SNTB2: variants seen among roughly 807,000 people sequenced by gnomAD.
The protein encoded by SNTB2 is beta-2-syntrophin.
In SNTB2, 34 loss-of-function variants were observed where a neutral mutation model predicts 46.2. The ratio of observed to expected loss-of-function variants is 0.74; its 90% CI spans 0.56 to 0.98. SNTB2 has a LOEUF of 0.98. Ranked by LOEUF, SNTB2 falls within the 50% of genes least tolerant of loss-of-function variation. The pLI is 0.00. For missense variants in SNTB2, 603 were observed against 731.4 expected, an observed-to-expected ratio of 0.82 and a Z score of 2.02; for synonymous variants, 290 against 312.6, an observed-to-expected ratio of 0.93 and a Z score of 0.76.
At position 69,253,628 on chromosome 16, in the gene SNTB2, G is replaced by A. The variant is rs542187759; in HGVS notation, c.795-6422G>A. Among the ~76,000 whole-genome samples the A allele has an allele frequency of 7.9e-5, 12 of 152,248 alleles. No individual in the cohort carries two copies. The East Asian group carries it at 2.3e-3, about 29-fold the overall frequency. ...TGTGCCACTGCACTCCAGCCTGGGCGACAGAGCAAGACTCTGTCTCAAAAA... is the reference window on the plus strand; with the variant it reads ...TGTGCCACTGCACTCCAGCCTGGGCAACAGAGCAAGACTCTGTCTCAAAAA... On this transcript the variant is annotated intron_variant, in intron 2 of 6. Transcript: ENST00000336278.
chr16:69,305,347 T>A lies in SNTB2; in HGVS notation c.*4423T>A, dbSNP rs1965308663. 1 of 152,424 alleles carries A rather than the reference T, an allele frequency of 6.6e-6. No individual in the cohort carries two copies. The highest frequency in any genetic ancestry group is 2.4e-5 in the African/African-American group (1 of 41,464). The allele number at this position is 152,424 out of a possible 1,614,324, so 9.4% of individuals were successfully genotyped here. ...TGTATCTTATCTTGGACACTTATGC[T>A]GAATTATGTTCTTATTATTTTCACT... On this transcript the variant is annotated 3_prime_UTR_variant, in exon 7 of 7. Coordinates refer to ENST00000336278, the MANE Select transcript of SNTB2 (RefSeq NM_006750.4).
chr16:69,207,583 A>C (rs181775878), intron 1 of SNTB2, among the ~76,000 whole-genome samples: 262 of 152,372 alleles, frequency 1.7e-3, no homozygotes, highest in South Asian at 1.9e-3. Flanking sequence ...GTATTTTAAA[A>C]ATAATTTTTG....
At chr16:69,259,393 C>A (rs891639036) in intron 2 of SNTB2, among the ~76,000 whole-genome samples, 2 of 151,160 alleles carry the variant, frequency 1.3e-5, no homozygotes, top group Non-Finnish European at 2.9e-5. Flanking sequence ...CCCCAACGCC[C>A]GGCTAAATTT....
intron 1 of SNTB2, among the ~76,000 whole-genome samples, chr16:69,213,646 C>T (rs1287812069): frequency 4.0e-5 from 6 of 150,632 alleles, no homozygotes; most frequent in African/African-American, 1.2e-4. Flanking sequence ...AGTACAGGCG[C>T]GTGCCACCAC....
At chr16:69,213,112 A>T (rs1032676683) in intron 1 of SNTB2, among the ~76,000 whole-genome samples, 1 of 152,138 alleles carries the variant, frequency 6.6e-6, no homozygotes, top group African/African-American at 2.4e-5. Flanking sequence ...TTAAGACCTC[A>T]GTTTCTTTAT....
At chr16:69,214,875 G>A (rs745385358) in intron 1 of SNTB2, among the ~76,000 whole-genome samples, 10 of 151,098 alleles carry the variant, frequency 6.6e-5, no homozygotes, top group African/African-American at 9.8e-5. Context: ...ATATGGTCTC[G>A]TTCTGTCACC....
intron 1 of SNTB2, among the ~76,000 whole-genome samples, chr16:69,220,005 C>CTCCCAAAGTGCTGGAA (rs1263077934): frequency 6.6e-6 from 1 of 151,756 alleles, no homozygotes; most frequent in Non-Finnish European, 1.5e-5. Flanking sequence ...CTGCCTTGGC[C>CTCCCAAAGTGCTGGAA]TCCCAAAGTG....
At chr16:69,261,706 G>T (rs551246836) in intron 3 of SNTB2, among the ~76,000 whole-genome samples, 1 of 152,144 alleles carries the variant, frequency 6.6e-6, no homozygotes, top group African/African-American at 2.4e-5. Context: ...AATAGTAATT[G>T]TTCTGTGCTT....
rs566713582 is a variant in SNTB2 at position 69,302,201 on chromosome 16, A to C, written c.*1277A>C. On this transcript the variant is annotated 3_prime_UTR_variant, in exon 7 of 7. Transcript: ENST00000336278. ...CTACCTGCTTTTGGTTAAGATTGCCAGATATCATTAGGACACAGTAGCAGC... is the reference window on the plus strand; with the variant it reads ...CTACCTGCTTTTGGTTAAGATTGCCCGATATCATTAGGACACAGTAGCAGC... 64 of 152,318 alleles carry C rather than the reference A, an allele frequency of 4.2e-4. No homozygotes were observed. The highest frequency in any genetic ancestry group is 1.4e-3 in the African/African-American group (60 of 41,566). The allele number at this position is 152,318 out of a possible 1,614,324, so 9.4% of individuals were successfully genotyped here.
chr16:69,305,897 G>A lies in SNTB2; in HGVS notation c.*4973G>A, dbSNP rs1965312151. ...CACATACTGTCTTTAAAAACCAATT[G>A]TAGCAATCTGCCCGCCTCCACCCTT... On this transcript the variant is annotated 3_prime_UTR_variant, in exon 7 of 7. Transcript: ENST00000336278. The A allele has an allele frequency of 1.3e-5, 2 of 151,632 alleles. No individual in the cohort carries two copies. Among genetic ancestry groups the A allele is most frequent in the African/African-American group, 4.9e-5 (2 of 41,234 alleles). The allele number at this position is 151,632 out of a possible 1,614,324, so 9.4% of individuals were successfully genotyped here. A position where few individuals can be genotyped will look rare whatever the true frequency, so the allele number is the denominator to read the frequency against.
intron 4 of SNTB2, among the ~76,000 whole-genome samples, chr16:69,283,339 T>C (rs1965068683): frequency 6.6e-6 from 1 of 152,234 alleles, no homozygotes; most frequent in Non-Finnish European, 1.5e-5. Flanking sequence ...GTTTTATTTA[T>C]TTTGGAATCA....
chr16:69,209,374 A>G (rs1003126062), intron 1 of SNTB2, among the ~76,000 whole-genome samples: 3 of 152,178 alleles, frequency 2.0e-5, no homozygotes, highest in Admixed American at 6.6e-5. Context: ...TTCCATTATT[A>G]TCTGTGTGTA....
intron 1 of SNTB2, among the ~76,000 whole-genome samples, chr16:69,215,579 C>T (rs1446987537): frequency 6.6e-6 from 1 of 152,044 alleles, no homozygotes; most frequent in African/African-American, 2.4e-5. Context: ...AGCACTGGGG[C>T]GTTTTAAAGA....
rs1965306412 is a variant in SNTB2 at position 69,305,040 on chromosome 16, G to A, written c.*4116G>A. 6.6e-6 allele frequency: 1 copy of A among 152,058 alleles called. No individual in the cohort carries two copies. Among genetic ancestry groups the A allele is most frequent in the Admixed American group, 6.6e-5 (1 of 15,246 alleles). 9.4% of individuals were successfully genotyped at this position (152,058 alleles called of 1,614,324 possible). ...AAGGCTATGTTTCTCCTAGAAACAG[G>A]TTTTGCTGTAAATGGTTTTGATGGG... On this transcript the variant is annotated 3_prime_UTR_variant, in exon 7 of 7. Coordinates refer to ENST00000336278, the MANE Select transcript of SNTB2 (RefSeq NM_006750.4).
At position 69,292,365 on chromosome 16, in the gene SNTB2, T is replaced by TATA. The variant is rs1555501217; in HGVS notation, c.1346-7224_1346-7222dup. On this transcript the variant is annotated intron_variant, in intron 5 of 6. Transcript: ENST00000336278. ...GTTCACCTTATTTTTTATATATATA[T>TATA]ATATATATATATATTATATATATAT... Among the ~76,000 whole-genome samples the TATA allele has an allele frequency of 1.8e-4, 6 of 32,468 alleles. 2 individuals are homozygous for TATA. The highest frequency in any genetic ancestry group is 7.7e-4 in the Admixed American group (2 of 2,602). The allele number at this position is 32,468 out of a possible 152,430, so 21.3% of individuals were successfully genotyped here.
chr16:69,279,515 CTTTTTTTTTTT>C (rs57637291), intron 4 of SNTB2, among the ~76,000 whole-genome samples: 46 of 71,734 alleles, frequency 6.4e-4, no homozygotes, highest in Non-Finnish European at 9.2e-4. Flanking sequence ...GTCCTTTGCC[CTTTTTTTTTTT>C]TTTTTTTTTT....
intron 1 of SNTB2, among the ~76,000 whole-genome samples, chr16:69,193,403 A>G (rs1043048607): frequency 3.8e-5 from 5 of 130,278 alleles, no homozygotes; most frequent in East Asian, 2.2e-4. Flanking sequence ...ATCTCGGCTC[A>G]CTGCAACCTC....
chr16:69,278,226 G>A (rs923008052), intron 4 of SNTB2, among the ~76,000 whole-genome samples: 20 of 152,072 alleles, frequency 1.3e-4, no homozygotes, highest in Non-Finnish European at 2.8e-4. Flanking sequence ...TGAGATGGGA[G>A]GATTGTTTGA....
In SNTB2 at chr16:69,284,459, T is replaced by TGAAAAAAAAAAAAAAAAAAAAAAA. The variant is rs1567414678; in HGVS notation, c.1345+215_1345+216insGAAAAAAAAAAAAAAAAAAAAAAA. Among the ~76,000 whole-genome samples the TGAAAAAAAAAAAAAAAAAAAAAAA allele has an allele frequency of 4.4e-5, 2 of 45,866 alleles. 1 individual carries two copies. Among genetic ancestry groups the TGAAAAAAAAAAAAAAAAAAAAAAA allele is most frequent in the Admixed American group, 7.1e-4 (2 of 2,834 alleles). The allele number at this position is 45,866 out of a possible 152,430, so 30.1% of individuals were successfully genotyped here. On this transcript the variant is annotated intron_variant, in intron 5 of 6. Coordinates refer to ENST00000336278, the MANE Select transcript of SNTB2 (RefSeq NM_006750.4). Reference sequence around the variant, plus strand: ...CAACATGGTGAAACCCCGTCTTTACTAAAAAAAAAAAAAAAAAAAAAAAAA... The same window carrying TGAAAAAAAAAAAAAAAAAAAAAAA: ...CAACATGGTGAAACCCCGTCTTTACTGAAAAAAAAAAAAAAAAAAAAAAAAAAAAAAAAAAAAAAAAAAAAAAAA...
Sources: allele counts gnomAD v4.1 joint callset (sites outside exome capture counted in the v4.1 genomes callset), GRCh38; gene constraint gnomAD v4.1.1; transcripts MANE v1.5; gene names NCBI Gene and HGNC (gene_info 2026-07-23, HGNC 2026-07-21).